SLC5A3: variants seen among roughly 807,000 people sequenced by gnomAD.
The protein encoded by SLC5A3 is sodium/myo-inositol cotransporter.
Under a neutral mutation model 43.2 loss-of-function variants are expected in SLC5A3, and 10 were observed. The ratio of observed to expected loss-of-function variants is 0.23; its 90% CI spans 0.14 to 0.39. SLC5A3 has a LOEUF of 0.39. SLC5A3 is among the 10% of genes least tolerant of loss of function. The probability of loss-of-function intolerance (pLI) is 1.00; values close to 1 mark genes in which losing one functional copy is unlikely to be tolerated. For synonymous variants in SLC5A3, 349 were observed against 322.0 expected (o/e 1.08, Z -0.90); for missense variants, 608 against 893.4 (o/e 0.68, Z 4.07).
Position 34,073,764 on chromosome 21 carries a change from G to C in SLC5A3, c.-337+19G>C. 6.7e-7 allele frequency: 1 copy of C among 1,489,790 alleles called. No homozygotes were observed. The highest frequency in any genetic ancestry group is 9.0e-7 in the Non-Finnish European group (1 of 1,111,874). The allele number at this position is 1,489,790 out of a possible 1,614,324, so 92.3% of individuals were successfully genotyped here. ...GCAGCGGGTAAGTGACCTTCCCTCA[G>C]AGCCGGTCTTCCCGCGCGGGCGCCC... On this transcript the variant is annotated intron_variant, in intron 1 of 1. Transcript: ENST00000381151.
chr21:34,103,509 A>G lies in SLC5A3; in HGVS notation c.*6154A>G, dbSNP rs562908715. 3.0e-6 allele frequency: 3 copies of G among 999,738 alleles called. No individual in the cohort carries two copies. Among genetic ancestry groups the G allele is most frequent in the Non-Finnish European group, 3.6e-6 (3 of 829,508 alleles). 61.9% of individuals were successfully genotyped at this position (999,738 alleles called of 1,614,324 possible). A position where few individuals can be genotyped will look rare whatever the true frequency, so the allele number is the denominator to read the frequency against. On this transcript the variant is annotated 3_prime_UTR_variant, in exon 2 of 2. Transcript: ENST00000381151. ...GTTTCCATTGTAGGTTGATAGGTAT[A>G]TCGAGAACAGGTACGTGACAACAGT... is the stretch of plus-strand genomic sequence containing the variant.
intron 1 of SLC5A3, among the ~76,000 whole-genome samples, chr21:34,086,814 GT>G (rs35893968): frequency 1 from 152,193 of 152,242 alleles, 76,073 homozygotes; most frequent in Middle Eastern, 1. Context: ...CTGAACTCAA[GT>G]TGTAATGGAG....
intron 1 of SLC5A3, among the ~76,000 whole-genome samples, chr21:34,092,703 G>T (rs1978765548): frequency 6.6e-6 from 1 of 152,132 alleles, no homozygotes; most frequent in Non-Finnish European, 1.5e-5. Flanking sequence ...TTCTTTTTCA[G>T]CACTTTGTTC....
At chr21:34,080,498 C>G (rs781595762) in intron 1 of SLC5A3, among the ~76,000 whole-genome samples, 12 of 152,134 alleles carry the variant, frequency 7.9e-5, no homozygotes, top group Non-Finnish European at 1.5e-4. Flanking sequence ...TTCCACAATA[C>G]CCCACCACCT....
intron 1 of SLC5A3, among the ~76,000 whole-genome samples, chr21:34,080,819 A>G (rs1379252637): frequency 1.3e-5 from 2 of 152,230 alleles, no homozygotes; most frequent in African/African-American, 2.4e-5. Flanking sequence ...TCTCATCTCT[A>G]TAAAACAGTT....
In SLC5A3 at chr21:34,102,622, T is replaced by C. The variant is rs374314673; in HGVS notation, c.*5267T>C. 4.5e-5 allele frequency: 45 copies of C among 1,000,222 alleles called. No homozygotes were observed. The East Asian group carries it at 1.9e-3, about 43-fold the overall frequency. The allele number at this position is 1,000,222 out of a possible 1,614,324, so 62.0% of individuals were successfully genotyped here. A position where few individuals can be genotyped will look rare whatever the true frequency, so the allele number is the denominator to read the frequency against. ...AAACCAATAACTGTACTTTATGTAA[T>C]GACTCTTAAATTTGGTTACCTGGGT... On this transcript the variant is annotated 3_prime_UTR_variant, in exon 2 of 2. Coordinates refer to ENST00000381151, the MANE Select transcript of SLC5A3 (RefSeq NM_006933.7).
Position 34,105,257 on chromosome 21 carries a change from G to A in SLC5A3, c.*7902G>A, listed in dbSNP as rs1333538572. 1.0e-6 allele frequency: 1 copy of A among 1,000,182 alleles called. No homozygotes were observed. The allele number at this position is 1,000,182 out of a possible 1,614,324, so 62.0% of individuals were successfully genotyped here. A position where few individuals can be genotyped will look rare whatever the true frequency, so the allele number is the denominator to read the frequency against. On this transcript the variant is annotated 3_prime_UTR_variant, in exon 2 of 2. Coordinates refer to ENST00000381151, the MANE Select transcript of SLC5A3 (RefSeq NM_006933.7). The stretch of plus-strand genomic sequence containing the variant: ...TGGACATCCCATTTTCTTTTGTCCA[G>A]ACCCATGTTGGCAATCATGTATGAA...
Position 34,102,574 on chromosome 21 carries a change from A to G in SLC5A3, c.*5219A>G. 1.0e-6 allele frequency: 1 copy of G among 1,000,074 alleles called. No individual in the cohort carries two copies. Among genetic ancestry groups the G allele is most frequent in the Non-Finnish European group, 1.2e-6 (1 of 829,830 alleles). 62.0% of individuals were successfully genotyped at this position (1,000,074 alleles called of 1,614,324 possible). ...CACTTTACTTTTTGGGCAGTACCAT[A>G]CATAGTCTGAGGCTATTGACTTAAA... is the stretch of plus-strand genomic sequence containing the variant. On this transcript the variant is annotated 3_prime_UTR_variant, in exon 2 of 2. Transcript: ENST00000381151.
chr21:34,102,139 T>C lies in SLC5A3; in HGVS notation c.*4784T>C. On this transcript the variant is annotated 3_prime_UTR_variant, in exon 2 of 2. Transcript: ENST00000381151. ...AAGGTCACTTAATATGGAATGTTTT[T>C]GTCAGACTGTCCTTTGTTGGAATAC... 7 of 1,000,200 alleles carry C rather than the reference T, an allele frequency of 7.0e-6. No individual in the cohort carries two copies. The highest frequency in any genetic ancestry group is 8.4e-6 in the Non-Finnish European group (7 of 829,932). 62.0% of individuals were successfully genotyped at this position (1,000,200 alleles called of 1,614,324 possible).
At chr21:34,081,519 AC>A (rs1422951664) in intron 1 of SLC5A3, among the ~76,000 whole-genome samples, 1 of 152,230 alleles carries the variant, frequency 6.6e-6, no homozygotes, top group Non-Finnish European at 1.5e-5. Flanking sequence ...AAATGAAGAT[AC>A]TGGATGTGTT....
At chr21:34,090,066 C>T (rs570192214) in intron 1 of SLC5A3, among the ~76,000 whole-genome samples, 7 of 152,130 alleles carry the variant, frequency 4.6e-5, no homozygotes, top group Non-Finnish European at 1.0e-4. Context: ...AGCATCATGT[C>T]AGTTCTCAAA....
chr21:34,099,395 G>GT lies in SLC5A3; in HGVS notation c.*2046dup. 1.0e-6 allele frequency: 1 copy of GT among 1,000,226 alleles called. No homozygotes were observed. The highest frequency in any genetic ancestry group is 1.2e-6 in the Non-Finnish European group (1 of 829,952). 62.0% of individuals were successfully genotyped at this position (1,000,226 alleles called of 1,614,324 possible). A position where few individuals can be genotyped will look rare whatever the true frequency, so the allele number is the denominator to read the frequency against. ...CAAATGGTTGTCAATGTTTTGTCCT[G>GT]TTTTTTCAAAGGAACTGTTCTTCCT... is the stretch of plus-strand genomic sequence containing the variant. On this transcript the variant is annotated 3_prime_UTR_variant, in exon 2 of 2. Coordinates refer to ENST00000381151, the MANE Select transcript of SLC5A3 (RefSeq NM_006933.7).
chr21:34,079,602 ATTTTTTTTTTTTT>A (rs398036389), intron 1 of SLC5A3, among the ~76,000 whole-genome samples: 7 of 43,680 alleles, frequency 1.6e-4, no homozygotes, highest in Admixed American at 6.7e-4. Context: ...GACCCAGCTA[ATTTTTTTTTTTTT>A]TTTTTTTTTT....
Position 34,101,488 on chromosome 21 carries a change from C to G in SLC5A3, c.*4133C>G. The G allele has an allele frequency of 1.0e-6, 1 of 1,000,034 alleles. No individual in the cohort carries two copies. Among genetic ancestry groups the G allele is most frequent in the Non-Finnish European group, 1.2e-6 (1 of 829,832 alleles). The allele number at this position is 1,000,034 out of a possible 1,614,324, so 61.9% of individuals were successfully genotyped here. A position where few individuals can be genotyped will look rare whatever the true frequency, so the allele number is the denominator to read the frequency against. On this transcript the variant is annotated 3_prime_UTR_variant, in exon 2 of 2. Transcript: ENST00000381151. ...ATTTCAGTGTTGATAATAGCCTGAGCAGACTTCTTTACAAATGGGATCTGT... is the reference window on the plus strand; with the variant it reads ...ATTTCAGTGTTGATAATAGCCTGAGGAGACTTCTTTACAAATGGGATCTGT...
chr21:34,075,466 T>C (rs529346139), intron 1 of SLC5A3, among the ~76,000 whole-genome samples: 2 of 152,280 alleles, frequency 1.3e-5, no homozygotes, highest in African/African-American at 4.8e-5. Context: ...TTTTTCACTC[T>C]AGTTCAGATC....
chr21:34,102,016 C>T lies in SLC5A3; in HGVS notation c.*4661C>T. 1 of 1,000,094 alleles carries T rather than the reference C, an allele frequency of 1.0e-6. No individual in the cohort carries two copies. The highest frequency in any genetic ancestry group is 1.2e-6 in the Non-Finnish European group (1 of 829,892). 62.0% of individuals were successfully genotyped at this position (1,000,094 alleles called of 1,614,324 possible). A position where few individuals can be genotyped will look rare whatever the true frequency, so the allele number is the denominator to read the frequency against. On this transcript the variant is annotated 3_prime_UTR_variant, in exon 2 of 2. Coordinates refer to ENST00000381151, the MANE Select transcript of SLC5A3 (RefSeq NM_006933.7). ...TGGAATTAGTTGGCATATAGAGGAA[C>T]CCTTTTGTACTGGAACGTATGAGGC...
intron 1 of SLC5A3, among the ~76,000 whole-genome samples, chr21:34,079,675 A>G (rs905427522): frequency 4.5e-5 from 6 of 132,812 alleles, no homozygotes; most frequent in Non-Finnish European, 9.1e-5. Flanking sequence ...GATGGTCTCA[A>G]TCTGACCTCG....
intron 1 of SLC5A3, 43 bp downstream of exon 1, chr21:34,073,788 C>T (rs777636282): frequency 2.8e-6 from 4 of 1,418,762 alleles, no homozygotes; most frequent in Non-Finnish European, 3.7e-6. Context: ...GCGCGGGCGC[C>T]CCCGCTGCCG....
intron 1 of SLC5A3, among the ~76,000 whole-genome samples, chr21:34,074,131 G>C (rs974617266): frequency 6.7e-6 from 1 of 148,764 alleles, no homozygotes; most frequent in African/African-American, 2.4e-5. Flanking sequence ...GCCCGTCCCC[G>C]CCAGTCGTGA....
Sources: gnomAD v4.1 joint callset for allele counts (sites outside exome capture counted in the v4.1 genomes callset) on GRCh38, gnomAD v4.1.1 for gene constraint, MANE v1.5 for transcripts, NCBI Gene and HGNC (gene_info 2026-07-23, HGNC 2026-07-21) for gene names.